SYT9: variants seen among roughly 807,000 people sequenced by gnomAD.
SYT9 encodes synaptotagmin 9, also known as synaptotagmin-9.
In SYT9, 22 loss-of-function variants were observed where a neutral mutation model predicts 48.4. That is an observed-to-expected ratio of 0.45 (90% confidence interval 0.32 to 0.65). SYT9 has a LOEUF of 0.65. Among genes scored for constraint, SYT9 ranks in the 30% least tolerant of loss-of-function variants. SYT9 has a pLI of 0.03. For missense variants in SYT9, 577 were observed against 622.0 expected, an observed-to-expected ratio of 0.93 and a Z score of 0.77; for synonymous variants, 265 against 245.0, an observed-to-expected ratio of 1.08 and a Z score of -0.76.
At chr11:7,420,299 C>G (rs1590016272) in intron 5 of SYT9, among the ~76,000 whole-genome samples, 1 of 152,196 alleles carries the variant, frequency 6.6e-6, no homozygotes, top group East Asian at 1.9e-4. Flanking sequence ...TGACCCATGT[C>G]AGTTTTAGGA....
intron 3 of SYT9, among the ~76,000 whole-genome samples, chr11:7,347,569 A>G (rs967157263): frequency 2.6e-5 from 4 of 152,146 alleles, no homozygotes; most frequent in Non-Finnish European, 5.9e-5. Flanking sequence ...GAAGTTTCAT[A>G]TGCAGCTTCA....
intron 6 of SYT9, among the ~76,000 whole-genome samples, chr11:7,451,849 C>T (rs887856743): frequency 6.6e-6 from 1 of 152,156 alleles, no homozygotes; most frequent in African/African-American, 2.4e-5. Flanking sequence ...GTCCTGATGA[C>T]ACTGTCTGAA....
chr11:7,334,808 A>C (rs577643621), intron 3 of SYT9, among the ~76,000 whole-genome samples: 1 of 152,338 alleles, frequency 6.6e-6, no homozygotes, highest in Non-Finnish European at 1.5e-5. Flanking sequence ...TGTATGTATT[A>C]ATAATTCAAT....
chr11:7,246,974 C>A (rs992005558), upstream of SYT9, among the ~76,000 whole-genome samples: 30 of 152,210 alleles, frequency 2.0e-4, no homozygotes, highest in African/African-American at 7.2e-4. Flanking sequence ...TCTGGGAAGT[C>A]CAAGCTCAAG....
intron 3 of SYT9, among the ~76,000 whole-genome samples, chr11:7,344,361 C>T (rs559592680): frequency 3.8e-4 from 58 of 151,920 alleles, no homozygotes; most frequent in Non-Finnish European, 8.1e-4. Context: ...TTTTTATTCT[C>T]TTAACACTTT....
chr11:7,388,353 T>C (rs909658552), intron 3 of SYT9, among the ~76,000 whole-genome samples: 6 of 152,184 alleles, frequency 3.9e-5, no homozygotes, highest in Non-Finnish European at 8.8e-5. Flanking sequence ...TTTTCAACCA[T>C]GACATGGTTA....
intron 1 of SYT9, among the ~76,000 whole-genome samples, chr11:7,275,971 T>A (rs1848381753): frequency 6.6e-6 from 1 of 152,188 alleles, no homozygotes; most frequent in South Asian, 2.1e-4. Context: ...TGTTTGCGCC[T>A]CACCCCCAAC....
intron 1 of SYT9, among the ~76,000 whole-genome samples, chr11:7,288,411 A>AACCCAAATATCTTTCAGAACATC (rs1848637218): frequency 6.6e-6 from 1 of 152,086 alleles, no homozygotes; most frequent in Non-Finnish European, 1.5e-5. Flanking sequence ...ATTATTATCT[A>AACCCAAATATCTTTCAGAACATC]ACCCAAATAT....
At chr11:7,329,719 A>G (rs1849494818) in intron 3 of SYT9, among the ~76,000 whole-genome samples, 2 of 152,224 alleles carry the variant, frequency 1.3e-5, no homozygotes, top group South Asian at 4.1e-4. Flanking sequence ...TGTATGCTGG[A>G]AAGTGGCCAG....
intron 1 of SYT9, among the ~76,000 whole-genome samples, chr11:7,259,433 C>T (rs970310751): frequency 6.6e-6 from 1 of 151,826 alleles, no homozygotes; most frequent in African/African-American, 2.4e-5. Flanking sequence ...TCCCCTGTTT[C>T]CTTTTGGGAA....
At chr11:7,360,328 A>G (rs1330376855) in intron 3 of SYT9, among the ~76,000 whole-genome samples, 9 of 152,094 alleles carry the variant, frequency 5.9e-5, no homozygotes, top group South Asian at 2.1e-4. Flanking sequence ...TTGACTTGGC[A>G]TTGCGGGCTC....
At chr11:7,371,502 A>G (rs1446311007) in intron 3 of SYT9, among the ~76,000 whole-genome samples, 1 of 112,086 alleles carries the variant, frequency 8.9e-6, no homozygotes, top group Admixed American at 9.2e-5. Flanking sequence ...TATAGAAAAA[A>G]AGCTGTCTTT....
intron 6 of SYT9, among the ~76,000 whole-genome samples, chr11:7,458,164 T>C (rs926531178): frequency 6.6e-6 from 1 of 152,232 alleles, no homozygotes; most frequent in Non-Finnish European, 1.5e-5. Flanking sequence ...TGTATTATGT[T>C]ATAGTGAAGG....
chr11:7,421,657 C>T (rs1186111760), intron 6 of SYT9, among the ~76,000 whole-genome samples: 2 of 151,870 alleles, frequency 1.3e-5, no homozygotes, highest in Admixed American at 6.5e-5. Context: ...CATTGATTCA[C>T]TCTCTTATTT....
chr11:7,403,606 T>A (rs527281477), intron 3 of SYT9, among the ~76,000 whole-genome samples: 1 of 152,230 alleles, frequency 6.6e-6, no homozygotes, highest in Non-Finnish European at 1.5e-5. Flanking sequence ...AGTTTCCAAA[T>A]ACACTGATAT....
intron 3 of SYT9, among the ~76,000 whole-genome samples, chr11:7,397,760 A>G (rs1474806231): frequency 6.6e-6 from 1 of 152,196 alleles, no homozygotes; most frequent in Non-Finnish European, 1.5e-5. Context: ...CCCTAACTAT[A>G]CATGTAAATG....
At chr11:7,290,471 C>T (rs998800632) in intron 1 of SYT9, among the ~76,000 whole-genome samples, 14 of 152,130 alleles carry the variant, frequency 9.2e-5, no homozygotes, top group African/African-American at 3.1e-4. Context: ...GCTCTGCCTG[C>T]GTGGAGTCTT....
chr11:7,394,196 G>A (rs1846698334), intron 3 of SYT9, among the ~76,000 whole-genome samples: 1 of 151,516 alleles, frequency 6.6e-6, no homozygotes, highest in East Asian at 1.9e-4. Flanking sequence ...CCACCTATGA[G>A]TGAGAACATG....
At chr11:7,240,474 C>A (rs535352513) in intron 1 of SYT9, among the ~76,000 whole-genome samples, 1 of 152,150 alleles carries the variant, frequency 6.6e-6, no homozygotes, top group Admixed American at 6.5e-5. Flanking sequence ...ATAATATATG[C>A]AAGACATTTT....
Sources: allele counts gnomAD v4.1 joint callset (sites outside exome capture counted in the v4.1 genomes callset), GRCh38; gene constraint gnomAD v4.1.1; transcripts MANE v1.5; gene names NCBI Gene and HGNC (gene_info 2026-07-23, HGNC 2026-07-21).